TBL1X: variants seen among roughly 807,000 people sequenced by gnomAD.
TBL1X encodes the protein transducin beta like 1 X-linked, also known as F-box-like/WD repeat-containing protein TBL1X.
In TBL1X, 10 loss-of-function variants were observed where a neutral mutation model predicts 50.7. The ratio of observed to expected loss-of-function variants is 0.20; its 90% confidence interval spans 0.12 to 0.33. TBL1X has a LOEUF of 0.33. Ranked by LOEUF, TBL1X falls within the 10% of genes least tolerant of loss-of-function variation. The probability of loss-of-function intolerance (pLI) is 1.00; values close to 1 mark genes in which losing one functional copy is unlikely to be tolerated. For missense variants in TBL1X, 340 were observed against 504.4 expected, an observed-to-expected ratio of 0.67 and a Z score of 3.12; for synonymous variants, 190 against 214.7, an observed-to-expected ratio of 0.88 and a Z score of 1.01.
intron 11 of TBL1X, among the ~76,000 whole-genome samples, chrX:9,694,057 C>T (rs1266298383): frequency 3.6e-5 from 4 of 110,745 alleles, no homozygotes; most frequent in Admixed American, 1.9e-4. Flanking sequence ...ATCCTGGGCC[C>T]GAGTCTGATC....
At chrX:9,574,386 C>T (rs981975877) in intron 2 of TBL1X, among the ~76,000 whole-genome samples, 1 of 98,975 alleles carries the variant, frequency 1.0e-5, no homozygotes, top group Non-Finnish European at 2.0e-5. Flanking sequence ...CCTAAGAGTT[C>T]GAGGCTACAA....
At chrX:9,677,736 T>A (rs1201362333) in intron 5 of TBL1X, among the ~76,000 whole-genome samples, 1 of 112,022 alleles carries the variant, frequency 8.9e-6, no homozygotes, top group Non-Finnish European at 1.9e-5. Flanking sequence ...TAATAAATTC[T>A]TTCAATGGCA....
At chrX:9,639,834 G>A (rs889486491) in intron 2 of TBL1X, 2 of 112,005 alleles carry the variant, frequency 1.8e-5, no homozygotes, top group African/African-American at 6.5e-5. Flanking sequence ...AAAGCGTGTT[G>A]TCTTCTCCCG....
At chrX:9,579,493 A>C (rs1168009269) in intron 2 of TBL1X, among the ~76,000 whole-genome samples, 1 of 112,195 alleles carries the variant, frequency 8.9e-6, no homozygotes, top group African/African-American at 3.2e-5. Flanking sequence ...TACATGAGCC[A>C]AGAAAGGATT....
chrX:9,542,338 A>G (rs1179550969), intron 2 of TBL1X, among the ~76,000 whole-genome samples: 1 of 111,342 alleles, frequency 9.0e-6, no homozygotes, highest in Non-Finnish European at 1.9e-5. Flanking sequence ...TTTATTTCCA[A>G]ATGAATTGCT....
chrX:9,518,140 T>C (rs980674478), intron 2 of TBL1X, among the ~76,000 whole-genome samples: 2 of 110,700 alleles, frequency 1.8e-5, no homozygotes, highest in Non-Finnish European at 3.8e-5. Context: ...CAGTACCTTG[T>C]TGATACATGG....
chrX:9,487,395 CAT>C (rs1449381218), intron 1 of TBL1X, among the ~76,000 whole-genome samples: 1 of 111,100 alleles, frequency 9.0e-6, no homozygotes. Context: ...GATACAGAAT[CAT>C]GTGATGTGTG....
At chrX:9,509,505 G>A (rs751315633) in intron 2 of TBL1X, among the ~76,000 whole-genome samples, 9 of 31,881 alleles carry the variant, frequency 2.8e-4, no homozygotes, top group African/African-American at 9.7e-4. Flanking sequence ...TTTTTTTTGA[G>A]TCAGGTTCTC....
chrX:9,482,132 A>C (rs1569202974), intron 1 of TBL1X, among the ~76,000 whole-genome samples: 2 of 63,088 alleles, frequency 3.2e-5, no homozygotes, highest in Admixed American at 1.6e-4. Context: ...TCTGGACTAC[A>C]AGTCCCAAAC....
Position 9,684,185 on chromosome X carries a change from C to A in TBL1X, c.354C>A (p.Asn118Lys). 8.3e-7 allele frequency: 1 copy of A among 1,211,897 alleles called. No homozygotes were observed. Among genetic ancestry groups the A allele is most frequent in the South Asian group, 1.8e-5 (1 of 57,005 alleles). Residue 118 changes from asparagine (N) to lysine (K), a missense_variant, in exon 6 of 18, where the codon AAC (asparagine) becomes AAA (lysine). Coordinates refer to ENST00000645353, the MANE Select transcript of TBL1X (RefSeq NM_005647.4). Reference sequence around the variant, plus strand: ...ATGTAGAGGCCGAGATCAGTATCAACGAGGTACGTAGCTGCTGGGCCCGGC... The same window carrying A: ...ATGTAGAGGCCGAGATCAGTATCAAAGAGGTACGTAGCTGCTGGGCCCGGC... Reference protein sequence around the residue: ...LQYVEAEISINEDGTVFDGRP... With the variant: ...LQYVEAEISIKEDGTVFDGRP...
chrX:9,622,644 CTTGT>C (rs1239091680), intron 2 of TBL1X, among the ~76,000 whole-genome samples: 4 of 110,749 alleles, frequency 3.6e-5, no homozygotes, highest in East Asian at 5.7e-4. Context: ...TTTTTGTTTG[CTTGT>C]TTGTTTGTTT....
intron 2 of TBL1X, among the ~76,000 whole-genome samples, chrX:9,592,543 TG>T (rs766168088): frequency 3.3e-3 from 369 of 112,013 alleles, no homozygotes; most frequent in African/African-American, 0.011. Flanking sequence ...CACAATGTTG[TG>T]TAGCCATCAC....
intron 2 of TBL1X, among the ~76,000 whole-genome samples, chrX:9,509,063 A>G (rs1480528372): frequency 1.1e-5 from 1 of 95,151 alleles, no homozygotes; most frequent in Non-Finnish European, 2.1e-5. Context: ...CGTTCTGCGC[A>G]TGTATCCTGT....
chrX:9,464,210 C>A (rs1047749768), upstream of TBL1X, among the ~76,000 whole-genome samples: 3 of 111,066 alleles, frequency 2.7e-5, no homozygotes, highest in Non-Finnish European at 3.8e-5. Context: ...CTTAGGTACA[C>A]CGGGGCCAGG....
intron 1 of TBL1X, among the ~76,000 whole-genome samples, chrX:9,493,177 T>C (rs1391849902): frequency 9.0e-6 from 1 of 111,275 alleles, no homozygotes; most frequent in Non-Finnish European, 1.9e-5. Flanking sequence ...TCCCACTTGC[T>C]ATGCTGTGCC....
At chrX:9,621,374 C>T (rs2082666094) in intron 2 of TBL1X, among the ~76,000 whole-genome samples, 1 of 112,113 alleles carries the variant, frequency 8.9e-6, no homozygotes, top group Non-Finnish European at 1.9e-5. Flanking sequence ...GGACTTGGAA[C>T]CTCTTAGGAG....
At chrX:9,705,723 TAAAA>T (rs34666783) in intron 13 of TBL1X, among the ~76,000 whole-genome samples, 1 of 78,242 alleles carries the variant, frequency 1.3e-5, no homozygotes, top group Non-Finnish European at 2.4e-5. Context: ...CTTGTCTCTT[TAAAA>T]AAAAAAAAAA....
At chrX:9,679,494 T>A (rs1396485347) in intron 5 of TBL1X, among the ~76,000 whole-genome samples, 1 of 111,907 alleles carries the variant, frequency 8.9e-6, no homozygotes, top group Admixed American at 9.4e-5. Context: ...AGCCTACTGG[T>A]GACACCAAGG....
At chrX:9,670,118 A>G (rs2082952161) in intron 5 of TBL1X, among the ~76,000 whole-genome samples, 1 of 112,275 alleles carries the variant, frequency 8.9e-6, no homozygotes, top group African/African-American at 3.2e-5. Context: ...CCATTATGCC[A>G]TAATAATTTG....
Sources: allele counts gnomAD v4.1 joint callset (sites outside exome capture counted in the v4.1 genomes callset), GRCh38; gene constraint gnomAD v4.1.1; transcripts MANE v1.5; gene names NCBI Gene and HGNC (gene_info 2026-07-23, HGNC 2026-07-21).